Variants in CPXM2 observed in about 807,000 individuals in gnomAD.
CPXM2 encodes the protein carboxypeptidase X, M14 family member 2.
A neutral mutation model predicts 86.1 loss-of-function variants in CPXM2; 66 were observed. The ratio of observed to expected loss-of-function variants is 0.77; its 90% CI spans 0.63 to 0.94. The LOEUF is 0.94. CPXM2 is among the 40% of genes least tolerant of loss of function. The pLI, the probability that CPXM2 is intolerant of heterozygous loss-of-function variation, is 0.00. For missense variants in CPXM2, 948 were observed against 1,026.3 expected (o/e 0.92, Z 1.04); for synonymous variants, 388 against 400.2 (o/e 0.97, Z 0.36).
Position 123,761,907 on chromosome 10 carries a change from G to A in CPXM2, c.1742C>T (p.Thr581Ile). The A allele has an allele frequency of 1.2e-6, 2 of 1,613,872 alleles. No individual in the cohort carries two copies. Among genetic ancestry groups the A allele is most frequent in the Non-Finnish European group, 1.7e-6 (2 of 1,179,906 alleles). The change falls in exon 11 of 14, where the codon ACT becomes ATT. Residue 581 changes from threonine (T) to isoleucine (I), a missense_variant. Thr to Ile is a moderately conservative substitution (Grantham distance 89, BLOSUM62 -1). Coordinates refer to ENST00000241305, the MANE Select transcript of CPXM2 (RefSeq NM_198148.3). ...GGTGTGCCAGGAGGCCCCATTGACAGTGCCCTCCTCCTTCTGGAAGTCCTC... is the reference window on the plus strand; with the variant it reads ...GGTGTGCCAGGAGGCCCCATTGACAATGCCCTCCTCCTTCTGGAAGTCCTC... The part of the protein sequence containing the change: ...HTEDFQKEEG[T>I]VNGASWHTVA...
chr10:123,756,558 G>A (rs570136049), intron 12 of CPXM2, among the ~76,000 whole-genome samples: 9 of 152,268 alleles, frequency 5.9e-5, no homozygotes, highest in African/African-American at 2.2e-4. Context: ...GGGTGTTAGG[G>A]ACTCAGTTGT....
intron 2 of CPXM2, among the ~76,000 whole-genome samples, chr10:123,914,289 A>G (rs1461488810): frequency 1.3e-5 from 2 of 152,174 alleles, no homozygotes; most frequent in East Asian, 3.9e-4. Flanking sequence ...GGGATACCGG[A>G]ATGCCCTGAC....
chr10:123,926,343 G>A (rs1165663692), intron 2 of CPXM2, among the ~76,000 whole-genome samples: 1 of 152,194 alleles, frequency 6.6e-6, no homozygotes, highest in Non-Finnish European at 1.5e-5. Context: ...CTCCTCTGTG[G>A]CTTGGATGCT....
At chr10:123,776,056 T>C (rs1846779658) in intron 7 of CPXM2, among the ~76,000 whole-genome samples, 1 of 152,226 alleles carries the variant, frequency 6.6e-6, no homozygotes, top group African/African-American at 2.4e-5. Context: ...ATTTTCACCA[T>C]GGCCTTAGAA....
At chr10:123,748,536 T>C (rs1345603872) in intron 13 of CPXM2, among the ~76,000 whole-genome samples, 2 of 152,134 alleles carry the variant, frequency 1.3e-5, no homozygotes, top group Non-Finnish European at 2.9e-5. Context: ...GGAAATGAAA[T>C]GTGGAGGCAG....
Position 123,798,135 on chromosome 10 carries a change from G to C in CPXM2, c.739-9C>G. 6.3e-7 allele frequency: 1 copy of C among 1,581,302 alleles called. No individual in the cohort carries two copies. The highest frequency in any genetic ancestry group is 1.2e-5 in the South Asian group (1 of 84,598). On this transcript the variant is annotated splice_polypyrimidine_tract_variant and intron_variant, in intron 5 of 13. Coordinates refer to ENST00000241305, the MANE Select transcript of CPXM2 (RefSeq NM_198148.3). Reference sequence around the variant, plus strand: ...CTGTTTCCCTCAAATATCTATTTATGCTCATGGGAGAAAAGGAAAATCTTT... The same window carrying C: ...CTGTTTCCCTCAAATATCTATTTATCCTCATGGGAGAAAAGGAAAATCTTT...
At chr10:123,914,811 T>C (rs77952753) in intron 2 of CPXM2, among the ~76,000 whole-genome samples, 2,415 of 152,288 alleles carry the variant, frequency 0.016, 66 homozygotes, top group African/African-American at 0.055. Flanking sequence ...GCCTCCTGAC[T>C]AGTCTCCATG....
chr10:123,842,323 G>A, intron 4 of CPXM2, 26 bp downstream of exon 4: 1 of 1,613,680 alleles, frequency 6.2e-7, no homozygotes, highest in South Asian at 1.1e-5. Context: ...ACAGGGTCCA[G>A]AAAGCATATG....
intron 6 of CPXM2, among the ~76,000 whole-genome samples, chr10:123,797,444 T>C (rs1847357180): frequency 6.6e-6 from 1 of 152,264 alleles, no homozygotes; most frequent in Admixed American, 6.5e-5. Context: ...AGCCCGATTG[T>C]TCACTGTGCT....
At chr10:123,933,338 C>T (rs558275083) in intron 2 of CPXM2, among the ~76,000 whole-genome samples, 27 of 152,268 alleles carry the variant, frequency 1.8e-4, no homozygotes, top group Middle Eastern at 3.4e-3. Context: ...GATCCTTTGA[C>T]GGCAGTGGGG....
chr10:123,941,489 A>G (rs1328248339), upstream of CPXM2, among the ~76,000 whole-genome samples: 1 of 152,244 alleles, frequency 6.6e-6, no homozygotes, highest in Non-Finnish European at 1.5e-5. Flanking sequence ...CCACTCCTGT[A>G]TGACTTTGTC....
intron 4 of CPXM2, among the ~76,000 whole-genome samples, chr10:123,825,801 G>A (rs532846692): frequency 4.0e-4 from 61 of 152,240 alleles, no homozygotes. Context: ...CTGGTTCCCA[G>A]TTGCTTGGGT....
At chr10:123,894,513 C>T (rs1186493973), upstream of CPXM2, among the ~76,000 whole-genome samples, 1 of 152,184 alleles carries the variant, frequency 6.6e-6, no homozygotes, top group Non-Finnish European at 1.5e-5. Context: ...CTTTGTCTAC[C>T]TCTGGCTCCC....
chr10:123,898,655 C>T (rs568149459), intron 2 of CPXM2, among the ~76,000 whole-genome samples: 1 of 144,176 alleles, frequency 6.9e-6, no homozygotes, highest in East Asian at 1.9e-4. Flanking sequence ...AACAAACAAA[C>T]AAAAGTTCCA....
chr10:123,752,451 G>A, intron 13 of CPXM2: 2 of 985,290 alleles, frequency 2.0e-6, no homozygotes, highest in Non-Finnish European at 2.4e-6. Context: ...ACTATTTTGT[G>A]GCATTTTAGA....
chr10:123,746,663 G>T lies in CPXM2; in HGVS notation c.*101C>A. 1 of 1,173,284 alleles carries T rather than the reference G, an allele frequency of 8.5e-7. No homozygotes were observed. Among genetic ancestry groups the T allele is most frequent in the Non-Finnish European group, 1.2e-6 (1 of 820,570 alleles). The allele number at this position is 1,173,284 out of a possible 1,614,324, so 72.7% of individuals were successfully genotyped here. On this transcript the variant is annotated 3_prime_UTR_variant, in exon 14 of 14. Coordinates refer to ENST00000241305, the MANE Select transcript of CPXM2 (RefSeq NM_198148.3). ...GCACCCTCTCTTCCAGGCACTTCTT[G>T]AATTACAGAGGAAACAACAGTGAGT...
chr10:123,883,082 C>T (rs1945119820), intron 1 of CPXM2, among the ~76,000 whole-genome samples: 1 of 142,014 alleles, frequency 7.0e-6, no homozygotes, highest in African/African-American at 2.6e-5. Context: ...GGCCCGGGCA[C>T]CCCCAGGCCC....
At chr10:123,757,172 C>T in intron 12 of CPXM2, 41 bp downstream of exon 12, 2 of 1,593,688 alleles carry the variant, frequency 1.3e-6, no homozygotes, top group Non-Finnish European at 1.7e-6. Context: ...CCTCATCCCC[C>T]AGCTAGTCCC....
At chr10:123,794,204 C>T (rs1347526057) in intron 6 of CPXM2, among the ~76,000 whole-genome samples, 1 of 152,216 alleles carries the variant, frequency 6.6e-6, no homozygotes, top group African/African-American at 2.4e-5. Flanking sequence ...CTGTAAGTCA[C>T]ACCCAAGAAC....
Sources: allele counts gnomAD v4.1 joint callset (sites outside exome capture counted in the v4.1 genomes callset), GRCh38; gene constraint gnomAD v4.1.1; transcripts MANE v1.5; gene names NCBI Gene and HGNC (gene_info 2026-07-23, HGNC 2026-07-21).